Variants in PTH2R observed in about 807,000 individuals in gnomAD.
PTH2R encodes the protein PTH2 receptor.
In PTH2R, 59 loss-of-function variants were observed where a neutral mutation model predicts 60.3. The ratio of observed to expected loss-of-function variants is 0.98; its 90% CI spans 0.79 to 1.22. The LOEUF (loss-of-function observed/expected upper bound fraction) is 1.22, where lower values mean the gene tolerates loss of function less well. Among genes scored for constraint, PTH2R ranks in the 50% most tolerant of loss-of-function variants. The pLI is 0.00. For synonymous variants in PTH2R, 256 were observed against 243.8 expected (o/e 1.05, Z -0.47); for missense variants, 749 against 682.6 (o/e 1.10, Z -1.08).
At chr2:208,402,821 T>C (rs1484326350), upstream of PTH2R, among the ~76,000 whole-genome samples, 4 of 152,170 alleles carry the variant, frequency 2.6e-5, no homozygotes, top group Admixed American at 2.6e-4. Context: ...AGAAAATGAA[T>C]GAGAAGGTGC....
At chr2:208,444,653 C>CT in intron 6 of PTH2R, 81 bp from the exon 7 acceptor site, 1 of 1,369,024 alleles carries the variant, frequency 7.3e-7, no homozygotes, top group Non-Finnish European at 9.9e-7. Context: ...AAACTGAAGA[C>CT]TTGTTTTTTA....
At chr2:208,482,745 T>G (rs2364126) in intron 10 of PTH2R, among the ~76,000 whole-genome samples, 121,210 of 152,064 alleles carry the variant, frequency 0.8, 48,708 homozygotes, top group African/African-American at 0.86. Context: ...AAAGAGGCCT[T>G]GAAGAGCTGT....
At chr2:208,391,072 G>A (rs1045835263) in intron 1 of PTH2R, among the ~76,000 whole-genome samples, 1 of 152,156 alleles carries the variant, frequency 6.6e-6, no homozygotes, top group Non-Finnish European at 1.5e-5. Context: ...GCCCTTCCCA[G>A]CTTGGGCTTA....
rs1262599752 is a variant in PTH2R, at chr2:208,437,717, C to T, written c.290-43C>T. ...TTGTCCATTTTCTTGATAATAGATT[C>T]TAAGGGAACTGAGCGATCTCAGCAT... On this transcript the variant is annotated intron_variant, in intron 3 of 12. Coordinates refer to ENST00000272847, the MANE Select transcript of PTH2R (RefSeq NM_005048.4). 13 of 1,605,342 alleles carry T rather than the reference C, an allele frequency of 8.1e-6. No individual in the cohort carries two copies. The East Asian group carries it at 2.7e-4, about 33-fold the overall frequency.
At chr2:208,385,720 CA>C (rs2125879016) in intron 1 of PTH2R, among the ~76,000 whole-genome samples, 1 of 152,332 alleles carries the variant, frequency 6.6e-6, no homozygotes, top group East Asian at 1.9e-4. Context: ...ATTTGAAATT[CA>C]ATCTGGCTTT....
In PTH2R at chr2:208,459,902, G is replaced by A; in HGVS notation, c.922G>A (p.Glu308Lys). 3 of 1,612,290 alleles carry A rather than the reference G, an allele frequency of 1.9e-6. No homozygotes were observed. The East Asian group carries it at 6.7e-5, about 36-fold the overall frequency. Residue 308 changes from glutamate (E) to lysine (K), a missense_variant, in exon 9 of 13, where the codon GAA becomes AAA. Coordinates refer to ENST00000272847, the MANE Select transcript of PTH2R (RefSeq NM_005048.4). ...RATLADARCW[E>K]LSAGDIKWIY... The stretch of plus-strand genomic sequence containing the variant: ...TTTTTTTCAATGTCTCAGGTGCTGG[G>A]AACTTAGTGCTGGAGACATCAAGTG...
intron 2 of PTH2R, among the ~76,000 whole-genome samples, chr2:208,428,553 A>G (rs887352810): frequency 9.2e-5 from 14 of 152,208 alleles, no homozygotes; most frequent in African/African-American, 2.4e-4. Flanking sequence ...ACATCAGCCT[A>G]TCCCTTAGTC....
At chr2:208,416,523 C>T (rs1701644424) in intron 1 of PTH2R, among the ~76,000 whole-genome samples, 1 of 152,156 alleles carries the variant, frequency 6.6e-6, no homozygotes, top group Non-Finnish European at 1.5e-5. Flanking sequence ...TTTTTCTGAG[C>T]TCAGGGTTAA....
chr2:208,429,591 C>A (rs1046346724), intron 2 of PTH2R, among the ~76,000 whole-genome samples: 2 of 152,162 alleles, frequency 1.3e-5, no homozygotes, highest in South Asian at 4.2e-4. Flanking sequence ...CCTTGTATAT[C>A]TTTTCCAATC....
At chr2:208,369,368 C>T (rs2885828) in intron 1 of PTH2R, among the ~76,000 whole-genome samples, 132,430 of 143,470 alleles carry the variant, frequency 0.92, 61,234 homozygotes, top group Non-Finnish European at 0.99. Flanking sequence ...TGGTCTCTCT[C>T]TCTTTTTTTT....
At chr2:208,445,003 T>C in intron 7 of PTH2R, 116 bp downstream of exon 7, 1 of 1,073,950 alleles carries the variant, frequency 9.3e-7, no homozygotes. Flanking sequence ...CTCCCATTCT[T>C]ATTTTTTATC....
Position 208,437,666 on chromosome 2 carries a change from A to G in PTH2R, c.289+19A>G. 1.9e-6 allele frequency: 3 copies of G among 1,605,098 alleles called. No homozygotes were observed. The highest frequency in any genetic ancestry group is 2.6e-6 in the Non-Finnish European group (3 of 1,174,992). Reference sequence around the variant, plus strand: ...CATAAAGGTATTGAATTTTTCTAAAATGATTAATTTAAAACAAACATTTAC... The same window carrying G: ...CATAAAGGTATTGAATTTTTCTAAAGTGATTAATTTAAAACAAACATTTAC... On this transcript the variant is annotated intron_variant, in intron 3 of 12. Coordinates refer to ENST00000272847, the MANE Select transcript of PTH2R (RefSeq NM_005048.4).
intron 10 of PTH2R, among the ~76,000 whole-genome samples, chr2:208,481,521 A>G (rs891492412): frequency 5.3e-5 from 8 of 152,064 alleles, no homozygotes; most frequent in Non-Finnish European, 1.2e-4. Context: ...TTTGGTTACT[A>G]TTTAAGTAAA....
chr2:208,477,925 GTACTAGCAC>G (rs1250172524), intron 9 of PTH2R, among the ~76,000 whole-genome samples: 5 of 145,832 alleles, frequency 3.4e-5, no homozygotes, highest in Admixed American at 1.4e-4. Context: ...ACTACTACTA[GTACTAGCAC>G]TACTACTAGT....
chr2:208,360,091 T>G, exon 1 of PTH2R: 1 of 385,996 alleles, frequency 2.6e-6, no homozygotes, highest in Non-Finnish European at 5.2e-6. Context: ...AAACGGAGAG[T>G]TTTTAAAAAT....
chr2:208,437,074 G>A (rs1429126701), intron 2 of PTH2R, among the ~76,000 whole-genome samples: 1 of 152,182 alleles, frequency 6.6e-6, no homozygotes, highest in Non-Finnish European at 1.5e-5. Context: ...TTAGACTCAA[G>A]GAGAAGTACT....
At chr2:208,438,031 GA>G in intron 4 of PTH2R, 150 bp downstream of exon 4, 1 of 1,066,692 alleles carries the variant, frequency 9.4e-7, no homozygotes, top group South Asian at 1.7e-5. Flanking sequence ...AATCTTTTCA[GA>G]TGCATATCAA....
intron 10 of PTH2R, among the ~76,000 whole-genome samples, chr2:208,483,127 T>C (rs907169117): frequency 2.0e-5 from 3 of 152,248 alleles, no homozygotes; most frequent in African/African-American, 7.2e-5. Context: ...ACTACAGGTA[T>C]GACCTGCAGG....
At chr2:208,409,727 CT>C (rs980044122) in intron 1 of PTH2R, among the ~76,000 whole-genome samples, 1 of 152,100 alleles carries the variant, frequency 6.6e-6, no homozygotes, top group Non-Finnish European at 1.5e-5. Context: ...TAAAGATATA[CT>C]TTTGTCTCAA....
Sources: gnomAD v4.1 joint callset for allele counts (sites outside exome capture counted in the v4.1 genomes callset) on GRCh38, gnomAD v4.1.1 for gene constraint, MANE v1.5 for transcripts, NCBI Gene and HGNC (gene_info 2026-07-23, HGNC 2026-07-21) for gene names.